The following MPP7 variants were observed in gnomAD, a reference collection of about 807,000 sequenced individuals.
MPP7 encodes the protein MAGUK p55 subfamily member 7.
In MPP7, 60 loss-of-function variants were observed where a neutral mutation model predicts 76.5. The ratio of observed to expected loss-of-function variants is 0.78; its 90% CI spans 0.64 to 0.97. The LOEUF (loss-of-function observed/expected upper bound fraction) is 0.97. MPP7 is among the 50% of genes least tolerant of loss of function. MPP7 has a pLI of 0.00. For synonymous variants in MPP7, 237 were observed against 244.5 expected, an observed-to-expected ratio of 0.97 and a Z score of 0.29; for missense variants, 641 against 694.0, an observed-to-expected ratio of 0.92 and a Z score of 0.86.
At position 28,292,312 on chromosome 10, in the gene MPP7, T is replaced by C. The variant is rs191594508; in HGVS notation, c.-132+10549A>G. Among the ~76,000 whole-genome samples the C allele has an allele frequency of 2.0e-4, 30 of 152,266 alleles. No individual in the cohort carries two copies. In the East Asian group the frequency reaches 5.4e-3, roughly 27 times the overall value. ...CATATCCCTGTTAAGTGATGCATAGTTGTCGATATATGTAGGATTCCCCTA... is the reference window on the plus strand; with the variant it reads ...CATATCCCTGTTAAGTGATGCATAGCTGTCGATATATGTAGGATTCCCCTA... On this transcript the variant is annotated intron_variant, in intron 1 of 16. Transcript: ENST00000683449.
At chr10:28,163,987 C>G (rs1244798530) in intron 3 of MPP7, among the ~76,000 whole-genome samples, 1 of 151,136 alleles carries the variant, frequency 6.6e-6, no homozygotes, top group Non-Finnish European at 1.5e-5. Flanking sequence ...TACCGAAACA[C>G]AGAAGTCTGA....
chr10:28,322,515 T>C (rs1356556657), intron 2 of MPP7, among the ~76,000 whole-genome samples: 2 of 152,200 alleles, frequency 1.3e-5, no homozygotes. Context: ...GCCCCAACCT[T>C]TCTCTGTTAC....
intron 11 of MPP7, among the ~76,000 whole-genome samples, chr10:28,093,995 T>G (rs1345892193): frequency 1.3e-5 from 2 of 152,144 alleles, no homozygotes; most frequent in Non-Finnish European, 2.9e-5. Flanking sequence ...CATGTAAATT[T>G]CAACAAAGAA....
At chr10:28,104,660 G>A (rs977677062) in intron 11 of MPP7, among the ~76,000 whole-genome samples, 3 of 152,164 alleles carry the variant, frequency 2.0e-5, no homozygotes, top group African/African-American at 7.2e-5. Context: ...TTGGTCATTA[G>A]TTGAACAGCT....
At chr10:28,247,759 G>C (rs77161414) in intron 1 of MPP7, among the ~76,000 whole-genome samples, 29 of 152,270 alleles carry the variant, frequency 1.9e-4, no homozygotes, top group African/African-American at 7.0e-4. Flanking sequence ...TGAACTAGAA[G>C]AGAATCTATT....
chr10:28,067,305 T>G (rs1852031774), intron 13 of MPP7, among the ~76,000 whole-genome samples: 2 of 152,346 alleles, frequency 1.3e-5, no homozygotes, highest in South Asian at 4.1e-4. Context: ...TTCAAGATTC[T>G]GCCCAAAGTA....
Position 28,191,402 on chromosome 10 carries a change from A to G in MPP7, c.156+10751T>C, listed in dbSNP as rs1357644697. 3.3e-5 allele frequency among the ~76,000 whole-genome samples: 5 copies of G among 152,344 alleles called. No individual in the cohort carries two copies. In the East Asian group the frequency reaches 7.7e-4, roughly 24 times the overall value. ...TGCAAAAAAACTCAACAAAATATTA[A>G]TAAGTTGAACCCAGCAATAGATCAA... On this transcript the variant is annotated intron_variant, in intron 3 of 16. Coordinates refer to ENST00000683449, the MANE Select transcript of MPP7 (RefSeq NM_001318170.2).
At chr10:28,289,007 A>G (rs1376313653) in intron 1 of MPP7, among the ~76,000 whole-genome samples, 1 of 152,088 alleles carries the variant, frequency 6.6e-6, no homozygotes, top group Non-Finnish European at 1.5e-5. Context: ...GGTCTCAAAA[A>G]TAGCTAACCA....
intron 3 of MPP7, among the ~76,000 whole-genome samples, chr10:28,164,976 G>A (rs951810897): frequency 2.0e-5 from 3 of 152,070 alleles, no homozygotes; most frequent in African/African-American, 4.8e-5. Context: ...GAAACATGGG[G>A]GAATTATGAG....
At chr10:28,213,537 G>C (rs1387265179) in intron 2 of MPP7, among the ~76,000 whole-genome samples, 1 of 152,130 alleles carries the variant, frequency 6.6e-6, no homozygotes, top group African/African-American at 2.4e-5. Context: ...GCTCATGCCT[G>C]CAATCCCAGC....
At chr10:28,102,054 T>A (rs1853850826) in intron 11 of MPP7, among the ~76,000 whole-genome samples, 1 of 150,770 alleles carries the variant, frequency 6.6e-6, no homozygotes, top group African/African-American at 2.4e-5. Flanking sequence ...AGCCCTTGAC[T>A]TGCGGACATT....
chr10:28,120,653 C>T lies in MPP7; in HGVS notation c.631G>A (p.Ala211Thr), dbSNP rs201024463. 2 of 1,613,272 alleles carry T rather than the reference C, an allele frequency of 1.2e-6. No individual in the cohort carries two copies. The highest frequency in any genetic ancestry group is 1.7e-6 in the Non-Finnish European group (2 of 1,179,608). The change falls in exon 9 of 17, where the codon GCA becomes ACA. Residue 211 changes from alanine (A) to threonine (T), a missense_variant. Physicochemically the swap from Ala to Thr is moderately conservative, Grantham distance 58. Coordinates refer to ENST00000683449, the MANE Select transcript of MPP7 (RefSeq NM_001318170.2). ...CCGGGTATAATCTTAAATGTAATTGCTCCCTGAGACTGAGCCTGGTAACAG... is the reference window on the plus strand; with the variant it reads ...CCGGGTATAATCTTAAATGTAATTGTTCCCTGAGACTGAGCCTGGTAACAG... ...IIQILAQSQG[A>T]ITFKIIPGSK...
At chr10:28,194,732 T>C (rs951978423) in intron 3 of MPP7, among the ~76,000 whole-genome samples, 2 of 152,142 alleles carry the variant, frequency 1.3e-5, no homozygotes, top group African/African-American at 4.8e-5. Context: ...GGAGGACAGG[T>C]AAAGCATGGG....
intron 13 of MPP7, among the ~76,000 whole-genome samples, chr10:28,068,438 G>A (rs1852081495): frequency 4.6e-5 from 7 of 151,532 alleles, no homozygotes; most frequent in Admixed American, 3.3e-4. Flanking sequence ...TACTAAAACT[G>A]CTTGAAAAAA....
intron 11 of MPP7, among the ~76,000 whole-genome samples, chr10:28,100,184 T>C (rs1456993229): frequency 1.3e-5 from 2 of 151,570 alleles, no homozygotes. Context: ...TTATATGATA[T>C]TAGGTTTCTG....
chr10:28,112,932 A>G (rs994843107), intron 11 of MPP7, among the ~76,000 whole-genome samples: 11 of 152,326 alleles, frequency 7.2e-5, no homozygotes, highest in Admixed American at 5.2e-4. Flanking sequence ...TATCAGAAAC[A>G]GGGCTTAGTC....
intron 2 of MPP7, among the ~76,000 whole-genome samples, chr10:28,312,781 G>C (rs1320572988): frequency 1.3e-5 from 2 of 152,162 alleles, no homozygotes; most frequent in Non-Finnish European, 2.9e-5. Context: ...CGCAAGCAAA[G>C]TGACTCTTGC....
chr10:28,124,251 C>A, intron 7 of MPP7, 135 bp from the exon 8 acceptor site: 1 of 653,588 alleles, frequency 1.5e-6, no homozygotes, highest in Non-Finnish European at 2.7e-6. Context: ...CTTCACACAT[C>A]TCAGGTTTCA....
intron 5 of MPP7, among the ~76,000 whole-genome samples, chr10:28,146,731 T>C (rs532996482): frequency 6.6e-6 from 1 of 152,324 alleles, no homozygotes; most frequent in South Asian, 2.1e-4. Context: ...CATCACAAGC[T>C]AAATGATCAT....
Sources: allele counts gnomAD v4.1 joint callset (sites outside exome capture counted in the v4.1 genomes callset), GRCh38; gene constraint gnomAD v4.1.1; transcripts MANE v1.5; gene names NCBI Gene and HGNC (gene_info 2026-07-23, HGNC 2026-07-21).